The following SNRPN variants were observed in gnomAD, a reference collection of about 807,000 sequenced individuals.
SNRPN encodes small nuclear ribonucleoprotein-associated protein N.
SNRPN carries 7 observed loss-of-function variants against 25.2 expected under a neutral mutation model. The observed-to-expected ratio is 0.28, with a 90% CI of 0.16 to 0.52. The LOEUF (loss-of-function observed/expected upper bound fraction) is 0.52, where lower values mean the gene tolerates loss of function less well. Ranked by LOEUF, SNRPN falls within the 20% of genes least tolerant of loss-of-function variation. The pLI is 0.96. For missense variants in SNRPN, 196 were observed against 322.5 expected (o/e 0.61, Z 3.00); for synonymous variants, 124 against 110.6 (o/e 1.12, Z -0.76).
At chr15:24,905,489 A>G (rs1240074406) in intron 2 of SNRPN, among the ~76,000 whole-genome samples, 2 of 146,422 alleles carry the variant, frequency 1.4e-5, no homozygotes, top group African/African-American at 5.1e-5. Flanking sequence ...AGCCTGGGTG[A>G]CAGAGTGAGA....
At chr15:24,916,205 C>T (rs2059511830) in intron 2 of SNRPN, among the ~76,000 whole-genome samples, 1 of 152,124 alleles carries the variant, frequency 6.6e-6, no homozygotes, top group African/African-American at 2.4e-5. Flanking sequence ...CGTGATCCAC[C>T]CACCTCGGCC....
chr15:24,909,008 G>T, intron 2 of SNRPN: 1 of 1,417,004 alleles, frequency 7.1e-7, no homozygotes, highest in Non-Finnish European at 9.9e-7. Context: ...CTGAGCAAGG[G>T]ACATTTTGGG....
At chr15:24,857,658 C>G (rs540104219) in intron 1 of SNRPN, among the ~76,000 whole-genome samples, 5 of 152,038 alleles carry the variant, frequency 3.3e-5, no homozygotes, top group Admixed American at 2.6e-4. Context: ...ATTGTTTAGG[C>G]TCAACCTTTG....
chr15:24,900,806 T>C (rs2058395401), intron 2 of SNRPN, among the ~76,000 whole-genome samples: 3 of 152,132 alleles, frequency 2.0e-5, no homozygotes, highest in Non-Finnish European at 4.4e-5. Context: ...GGATTCAAGA[T>C]TTATTGTGCT....
At chr15:24,851,779 G>A (rs2052869297), upstream of SNRPN, 1 of 152,218 alleles carries the variant, frequency 6.6e-6, no homozygotes, top group South Asian at 2.1e-4. Context: ...TAGGAAGAAG[G>A]GAGAGTGAAG....
At chr15:24,946,229 G>C (rs1421393687) in intron 3 of SNRPN, among the ~76,000 whole-genome samples, 1 of 152,058 alleles carries the variant, frequency 6.6e-6, no homozygotes, top group East Asian at 1.9e-4. Flanking sequence ...CTGGGCATCA[G>C]TTTCCTAATC....
chr15:24,917,239 G>T (rs1174116711), intron 2 of SNRPN, among the ~76,000 whole-genome samples: 1 of 152,058 alleles, frequency 6.6e-6, no homozygotes. Context: ...TAAATTTCCA[G>T]GTAAGTAGGA....
At chr15:24,891,297 A>G (rs1037007282) in intron 2 of SNRPN, among the ~76,000 whole-genome samples, 1 of 152,220 alleles carries the variant, frequency 6.6e-6, no homozygotes, top group Non-Finnish European at 1.5e-5. Flanking sequence ...TGAACTTAAA[A>G]TAATATTCGG....
At position 24,923,919 on chromosome 15, in the gene SNRPN, AAACATT is replaced by A. The variant is rs1393793217; in HGVS notation, c.-391+3796_-391+3801del. On this transcript the variant is annotated intron_variant, in intron 3 of 11. Coordinates refer to the SNRPN transcript ENST00000400097. ...TGTGTGTGTGTGTGTGTGTGTATAT[AAACATT>A]TTTTTTTTTTTTTTTTTTTTTTTGA... Among the ~76,000 whole-genome samples, 442 of 54,924 alleles carry A rather than the reference AAACATT, an allele frequency of 8.0e-3. 15 individuals are homozygous for A. Among genetic ancestry groups the A allele is most frequent in the African/African-American group, 0.027 (360 of 13,240 alleles). The allele number at this position is 54,924 out of a possible 152,430, so 36.0% of individuals were successfully genotyped here. A position where few individuals can be genotyped will look rare whatever the true frequency, so the allele number is the denominator to read the frequency against.
intron 4 of SNRPN, 24 bp downstream of exon 4, chr15:24,974,480 G>A (rs1182973940): frequency 1.2e-6 from 2 of 1,612,274 alleles, no homozygotes; most frequent in East Asian, 4.5e-5. Context: ...TAAGGCTGAG[G>A]GTTGAAATGT....
intron 3 of SNRPN, among the ~76,000 whole-genome samples, chr15:24,944,040 T>C (rs898849024): frequency 3.3e-5 from 5 of 152,158 alleles, no homozygotes; most frequent in African/African-American, 7.2e-5. Flanking sequence ...TAGGCTGGTC[T>C]TGAACTCCTG....
chr15:24,905,239 G>T (rs180827736), intron 2 of SNRPN, among the ~76,000 whole-genome samples: 2 of 152,028 alleles, frequency 1.3e-5, no homozygotes, highest in Admixed American at 1.3e-4. Flanking sequence ...GACCGGGTGC[G>T]GTGGCTCAGA....
intron 2 of SNRPN, among the ~76,000 whole-genome samples, chr15:24,893,406 C>A (rs1461420072): frequency 2.6e-5 from 4 of 151,886 alleles, no homozygotes; most frequent in African/African-American, 9.7e-5. Flanking sequence ...TGGTTGAGCC[C>A]AGGAGTTCCA....
chr15:24,879,432 G>A (rs2056363513), intron 1 of SNRPN, among the ~76,000 whole-genome samples: 1 of 119,378 alleles, frequency 8.4e-6, no homozygotes, highest in Non-Finnish European at 1.7e-5. Flanking sequence ...GTGCGATTCT[G>A]TCTCTACAAA....
intron 1 of SNRPN, among the ~76,000 whole-genome samples, chr15:24,867,995 T>A (rs918685107): frequency 2.0e-5 from 3 of 152,078 alleles, no homozygotes; most frequent in Admixed American, 6.6e-5. Context: ...AAATAAAAAC[T>A]TTTTCATATT....
intron 2 of SNRPN, among the ~76,000 whole-genome samples, chr15:24,913,952 G>A (rs1045642913): frequency 1.3e-5 from 2 of 152,090 alleles, no homozygotes; most frequent in African/African-American, 2.4e-5. Context: ...GACAACTTAC[G>A]GAAAGGCAAA....
chr15:24,917,646 G>T (rs1369665597), intron 2 of SNRPN, among the ~76,000 whole-genome samples: 1 of 152,380 alleles, frequency 6.6e-6, no homozygotes, highest in East Asian at 1.9e-4. Context: ...GCTAGCAGGG[G>T]CCAAACCCGC....
intron 2 of SNRPN, among the ~76,000 whole-genome samples, chr15:24,916,760 C>T (rs534659936): frequency 3.3e-5 from 5 of 152,072 alleles, no homozygotes; most frequent in Non-Finnish European, 5.9e-5. Flanking sequence ...TGGTTCCTTC[C>T]GGTGGGTTTG....
intron 2 of SNRPN, among the ~76,000 whole-genome samples, chr15:24,906,508 T>A (rs1175459831): frequency 6.6e-6 from 1 of 152,172 alleles, no homozygotes; most frequent in African/African-American, 2.4e-5. Context: ...GTGGCAATAA[T>A]CTGAGGAGAA....
Sources: allele counts gnomAD v4.1 joint callset (sites outside exome capture counted in the v4.1 genomes callset), GRCh38; gene constraint gnomAD v4.1.1; transcripts MANE v1.5; gene names NCBI Gene and HGNC (gene_info 2026-07-23, HGNC 2026-07-21).